Variants in CARD19 observed in about 807,000 individuals in gnomAD.
The protein encoded by CARD19 is caspase recruitment domain-containing protein 19.
A neutral mutation model predicts 24.1 loss-of-function variants in CARD19; 25 were observed. That is an observed-to-expected ratio of 1.04 (90% CI 0.76 to 1.45). The LOEUF is 1.45. CARD19 is among the 40% of genes most tolerant of loss of function. CARD19 has a pLI of 0.00. For missense variants in CARD19, 241 were observed against 247.4 expected (o/e 0.97, Z 0.17); for synonymous variants, 103 against 104.9 (o/e 0.98, Z 0.11).
chr9:93,104,386 A>T (rs1827179885), intron 1 of CARD19, among the ~76,000 whole-genome samples: 1 of 152,150 alleles, frequency 6.6e-6, no homozygotes, highest in Admixed American at 6.5e-5. Context: ...TCTTTTCTTG[A>T]AGTGACTTTG....
At chr9:93,109,799 A>G (rs1827391207) in intron 2 of CARD19, 1 of 152,106 alleles carries the variant, frequency 6.6e-6, no homozygotes, top group Non-Finnish European at 1.5e-5. Context: ...CTTGAATCAC[A>G]TTCTGTAGAC....
chr9:93,105,782 T>C (rs1827231057), intron 1 of CARD19, among the ~76,000 whole-genome samples: 1 of 152,244 alleles, frequency 6.6e-6, no homozygotes, highest in South Asian at 2.1e-4. Flanking sequence ...AAAATATCTC[T>C]TCTTTATTGT....
intron 2 of CARD19, 86 bp downstream of exon 2, chr9:93,107,902 G>A (rs1827325787): frequency 1.3e-6 from 2 of 1,534,288 alleles, no homozygotes; most frequent in African/African-American, 2.7e-5. Context: ...CCAGCCCTGG[G>A]TCATTCTCTC....
chr9:93,113,209 T>G lies in CARD19; in HGVS notation c.*102T>G. ...TCTTTTTCTAAATGCATATTTTTCA[T>G]TATTTATAATTTGTGTAAAAAACAC... On this transcript the variant is annotated 3_prime_UTR_variant, in exon 6 of 6. Transcript: ENST00000375464. The G allele has an allele frequency of 1.5e-6, 1 of 688,086 alleles. No homozygotes were observed. Among genetic ancestry groups the G allele is most frequent in the Non-Finnish European group, 2.4e-6 (1 of 417,666 alleles). The allele number at this position is 688,086 out of a possible 1,614,324, so 42.6% of individuals were successfully genotyped here. A position where few individuals can be genotyped will look rare whatever the true frequency, so the allele number is the denominator to read the frequency against.
chr9:93,097,783 AC>A (rs1826935437), intron 1 of CARD19, among the ~76,000 whole-genome samples: 1 of 152,144 alleles, frequency 6.6e-6, no homozygotes, highest in African/African-American at 2.4e-5. Context: ...GAGCTGGGAA[AC>A]CACATCAGGC....
chr9:93,098,900 C>CT (rs10693165), intron 1 of CARD19, among the ~76,000 whole-genome samples: 29,401 of 120,334 alleles, frequency 0.24, 4,709 homozygotes, highest in Middle Eastern at 0.35. Flanking sequence ...TTGCAGAACT[C>CT]TTTTTTTTTT....
At chr9:93,112,552 G>A (rs886592039) in intron 5 of CARD19, among the ~76,000 whole-genome samples, 4 of 152,192 alleles carry the variant, frequency 2.6e-5, no homozygotes, top group Non-Finnish European at 4.4e-5. Flanking sequence ...GACTCTGGGT[G>A]TTACAAAGCC....
At chr9:93,103,007 C>A (rs192476258) in intron 1 of CARD19, among the ~76,000 whole-genome samples, 2 of 152,200 alleles carry the variant, frequency 1.3e-5, no homozygotes, top group Admixed American at 1.3e-4. Flanking sequence ...TTTTAATTAG[C>A]TCTAACTTTA....
intron 1 of CARD19, among the ~76,000 whole-genome samples, chr9:93,097,900 G>A (rs748653248): frequency 1.1e-4 from 16 of 152,222 alleles, no homozygotes; most frequent in Non-Finnish European, 2.1e-4. Flanking sequence ...ACAACCCTTA[G>A]TTTTTGGGAT....
At chr9:93,100,985 C>T (rs1439889295) in intron 1 of CARD19, among the ~76,000 whole-genome samples, 2 of 152,206 alleles carry the variant, frequency 1.3e-5, no homozygotes, top group East Asian at 1.9e-4. Context: ...TTTTGGTGAA[C>T]ATTTGCACTA....
intron 3 of CARD19, 177 bp downstream of exon 3, chr9:93,110,898 G>A (rs1159091857): frequency 6.5e-7 from 1 of 1,533,524 alleles, no homozygotes. Context: ...CGAGGGGAGA[G>A]TGTGGCAGGC....
chr9:93,110,827 G>A (rs1160239190), intron 3 of CARD19, 106 bp downstream of exon 3: 1 of 1,537,296 alleles, frequency 6.5e-7, no homozygotes, highest in Non-Finnish European at 8.7e-7. Context: ...CAAGTCTGCT[G>A]CAGCCCAGGC....
At chr9:93,098,241 A>G (rs1826953352) in intron 1 of CARD19, among the ~76,000 whole-genome samples, 1 of 152,198 alleles carries the variant, frequency 6.6e-6, no homozygotes, top group Non-Finnish European at 1.5e-5. Flanking sequence ...TTGGTTGGGG[A>G]TGACAGGAAC....
chr9:93,110,404 A>G (rs1318930281), intron 2 of CARD19, 164 bp from the exon 3 acceptor site: 9 of 1,106,934 alleles, frequency 8.1e-6, no homozygotes, highest in Middle Eastern at 2.5e-4. Flanking sequence ...GCCAGGCACT[A>G]TGTGGTGTGG....
chr9:93,101,081 T>C (rs952858109), intron 1 of CARD19, among the ~76,000 whole-genome samples: 9 of 152,234 alleles, frequency 5.9e-5, no homozygotes, highest in Admixed American at 5.9e-4. Context: ...TATTTATTTA[T>C]TTATTTATTT....
chr9:93,101,238 T>G (rs1279473101), intron 1 of CARD19, among the ~76,000 whole-genome samples: 1 of 151,714 alleles, frequency 6.6e-6, no homozygotes, highest in Non-Finnish European at 1.5e-5. Context: ...CCACCACGCC[T>G]GGCTAGCTTT....
At position 93,113,008 on chromosome 9, in the gene CARD19, A is replaced by G. The variant is rs1391388151; in HGVS notation, c.453A>G (p.Pro151=). ...YCYPPDPKGL[P]GTRRVLGFSP... is the part of the protein sequence containing the mutation. ...GTCTTCTAGACCCCAAGGGCCTGCC[A>G]GGGACCCGGCGCGTCCTCGGTTTCT... Residue 151 remains proline, a synonymous_variant, in exon 6 of 6, where the codon CCA becomes CCG. Coordinates refer to ENST00000375464, the MANE Select transcript of CARD19 (RefSeq NM_032310.5). The G allele has an allele frequency of 3.1e-6, 5 of 1,608,986 alleles. No individual in the cohort carries two copies. The Middle Eastern group carries it at 5.0e-4, about 160-fold the overall frequency.
At chr9:93,106,583 A>AC (rs1174657863) in intron 1 of CARD19, among the ~76,000 whole-genome samples, 2 of 151,208 alleles carry the variant, frequency 1.3e-5, no homozygotes, top group Non-Finnish European at 2.9e-5. Flanking sequence ...AAAACAAAAA[A>AC]AAAAAAACAA....
In CARD19 at chr9:93,107,688, G is replaced by A. The variant is rs1376361476; in HGVS notation, c.22G>A (p.Asp8Asn). ...ATCTGTTTTAGATCAGACCTATTGT[G>A]ACCGCCTGGTGCAGGACACGCCTTT... The part of the protein sequence containing the change: MTDQTYC[D>N]RLVQDTPFLT... The change falls in exon 2 of 6, where the codon GAC (aspartate) becomes AAC (asparagine). Residue 8 changes from aspartate (D) to asparagine (N), a missense_variant. Physicochemically the swap from Asp to Asn is conservative, Grantham distance 23. Transcript: ENST00000375464. 6.2e-7 allele frequency: 1 copy of A among 1,614,114 alleles called. No homozygotes were observed. Among genetic ancestry groups the A allele is most frequent in the Non-Finnish European group, 8.5e-7 (1 of 1,180,046 alleles).
Sources: allele counts gnomAD v4.1 joint callset (sites outside exome capture counted in the v4.1 genomes callset), GRCh38; gene constraint gnomAD v4.1.1; transcripts MANE v1.5; gene names NCBI Gene and HGNC (gene_info 2026-07-23, HGNC 2026-07-21).